The following HAPLN1 variants were observed in gnomAD, a reference collection of about 807,000 sequenced individuals.
The protein encoded by HAPLN1 is Cartilage link protein.
A neutral mutation model predicts 36.5 loss-of-function variants in HAPLN1; 13 were observed. The observed-to-expected ratio is 0.36, with a 90% CI of 0.23 to 0.57. The LOEUF (loss-of-function observed/expected upper bound fraction) is 0.57. HAPLN1 is among the 20% of genes least tolerant of loss of function. The pLI, the probability that HAPLN1 is intolerant of heterozygous loss-of-function variation, is 0.83. For missense variants in HAPLN1, 407 were observed against 439.7 expected, an observed-to-expected ratio of 0.93 and a Z score of 0.66; for synonymous variants, 202 against 169.8, an observed-to-expected ratio of 1.19 and a Z score of -1.48.
intron 2 of HAPLN1, among the ~76,000 whole-genome samples, chr5:83,670,660 T>A (rs762598256): frequency 9.2e-5 from 14 of 151,770 alleles, no homozygotes; most frequent in Admixed American, 2.0e-4. Context: ...CTATTTTCTT[T>A]CCTGGCCATC....
intron 1 of HAPLN1, among the ~76,000 whole-genome samples, chr5:83,686,616 G>A (rs1751133244): frequency 6.6e-6 from 1 of 152,146 alleles, no homozygotes; most frequent in Non-Finnish European, 1.5e-5. Flanking sequence ...TTCTGCTAAT[G>A]CTGACTAAAA....
intron 1 of HAPLN1, among the ~76,000 whole-genome samples, chr5:83,699,037 C>T (rs1198353936): frequency 1.3e-5 from 2 of 151,896 alleles, no homozygotes; most frequent in Non-Finnish European, 1.5e-5. Flanking sequence ...TTTTAATTCC[C>T]ATTTAGTATA....
chr5:83,645,475 C>CTTTTTTTTTTTTTTTCTTTTTTTTTTTTT (rs1749838589), intron 3 of HAPLN1, among the ~76,000 whole-genome samples: 1 of 74,370 alleles, frequency 1.3e-5, no homozygotes, highest in Non-Finnish European at 2.5e-5. Context: ...CTTTTTCTTT[C>CTTTTTTTTTTTTTTTCTTTTTTTTTTTTT]TTTTTTTTTT....
chr5:83,702,617 G>C (rs1751537271), intron 1 of HAPLN1, among the ~76,000 whole-genome samples: 1 of 151,994 alleles, frequency 6.6e-6, no homozygotes, highest in Non-Finnish European at 1.5e-5. Context: ...ACTGATTTTT[G>C]GCATTTCTTA....
At chr5:83,676,188 A>G in intron 1 of HAPLN1, among the ~76,000 whole-genome samples, 1 of 98,664 alleles carries the variant, frequency 1.0e-5, no homozygotes, top group East Asian at 2.5e-4. Context: ...AGAGATACGC[A>G]CACATATACA....
At chr5:83,673,707 A>T (rs952605733) in intron 1 of HAPLN1, 158 bp from the exon 2 acceptor site, 23 of 553,022 alleles carry the variant, frequency 4.2e-5, no homozygotes, top group African/African-American at 3.6e-4. Context: ...TTAAGAGCCG[A>T]AGACGGCAGC....
At chr5:83,643,638 G>T (rs1749769739) in intron 4 of HAPLN1, among the ~76,000 whole-genome samples, 1 of 151,616 alleles carries the variant, frequency 6.6e-6, no homozygotes, top group Non-Finnish European at 1.5e-5. Flanking sequence ...TTCTTTTAGA[G>T]ATGGGGTCTC....
intron 1 of HAPLN1, among the ~76,000 whole-genome samples, chr5:83,708,699 A>T (rs760135398): frequency 6.6e-6 from 1 of 152,200 alleles, no homozygotes; most frequent in Non-Finnish European, 1.5e-5. Context: ...ACATGTATCC[A>T]CTAAACTAAA....
At chr5:83,708,372 T>G (rs992468690) in intron 1 of HAPLN1, among the ~76,000 whole-genome samples, 1 of 152,202 alleles carries the variant, frequency 6.6e-6, no homozygotes, top group African/African-American at 2.4e-5. Flanking sequence ...CATGGAATAC[T>G]ATGCAGCCAT....
Position 83,705,815 on chromosome 5 carries a change from G to A in HAPLN1, c.-27+14974C>T, listed in dbSNP as rs189424685. On this transcript the variant is annotated intron_variant, in intron 1 of 4. Transcript: ENST00000274341. ...GTTTTTTGAAAAAATTAATAAGATC[G>A]AAAGACTGCTAACTAGGGTAATAAA... 7.4e-4 allele frequency among the ~76,000 whole-genome samples: 113 copies of A among 151,938 alleles called. 1 individual carries two copies. Among genetic ancestry groups the A allele is most frequent in the Non-Finnish European group, 1.2e-3 (80 of 67,946 alleles).
intron 1 of HAPLN1, among the ~76,000 whole-genome samples, chr5:83,690,422 C>G (rs1281870058): frequency 6.6e-6 from 1 of 151,968 alleles, no homozygotes; most frequent in Non-Finnish European, 1.5e-5. Context: ...TTTGAAGTGG[C>G]ACAGAATTAG....
At position 83,673,625 on chromosome 5, in the gene HAPLN1, C is replaced by T. The variant is rs924143990; in HGVS notation, c.-26-76G>A. On this transcript the variant is annotated intron_variant, in intron 1 of 4. Coordinates refer to ENST00000274341, the MANE Select transcript of HAPLN1 (RefSeq NM_001884.4). ...AGTGTTGCACTGCACAACTTATTAC[C>T]GCCTTATCATCATAGAATGGGTCTG... The T allele has an allele frequency of 2.5e-5, 20 of 790,520 alleles. 1 individual carries two copies. The highest frequency in any genetic ancestry group is 2.0e-4 in the Admixed American group (9 of 45,264). 49.0% of individuals were successfully genotyped at this position (790,520 alleles called of 1,614,324 possible).
In HAPLN1 at chr5:83,644,684, A is replaced by G; in HGVS notation, c.473-19T>C. ...ACCACACCTGTCCAAAGGAGAAAGC[A>G]AGGAGTTGTTAGAAGCCCCAAAACT... On this transcript the variant is annotated intron_variant, in intron 3 of 4. Coordinates refer to ENST00000274341, the MANE Select transcript of HAPLN1 (RefSeq NM_001884.4). The G allele has an allele frequency of 7.2e-7, 1 of 1,397,496 alleles. No individual in the cohort carries two copies. Among genetic ancestry groups the G allele is most frequent in the Non-Finnish European group, 9.4e-7 (1 of 1,068,468 alleles). 86.6% of individuals were successfully genotyped at this position (1,397,496 alleles called of 1,614,324 possible).
chr5:83,677,095 T>C (rs1340734007), intron 1 of HAPLN1, among the ~76,000 whole-genome samples: 2 of 152,186 alleles, frequency 1.3e-5, no homozygotes, highest in Non-Finnish European at 2.9e-5. Flanking sequence ...TCATATTAGG[T>C]AATGGGGAGA....
chr5:83,700,013 G>C (rs1751470447), intron 1 of HAPLN1, among the ~76,000 whole-genome samples: 3 of 152,142 alleles, frequency 2.0e-5, no homozygotes, highest in South Asian at 2.1e-4. Flanking sequence ...GGCCAACATG[G>C]TGAAAACCCG....
chr5:83,666,757 C>T (rs564285144), intron 2 of HAPLN1, among the ~76,000 whole-genome samples: 142 of 152,104 alleles, frequency 9.3e-4, no homozygotes, highest in African/African-American at 3.1e-3. Flanking sequence ...TTATTTAACA[C>T]TTATTTTATT....
At chr5:83,644,277 GAAGAT>G (rs1380519018) in intron 4 of HAPLN1, 81 bp downstream of exon 4, 7 of 1,049,290 alleles carry the variant, frequency 6.7e-6, no homozygotes, top group Admixed American at 3.1e-5. Context: ...GTTTTTCTAA[GAAGAT>G]AAGATTAAAA....
intron 3 of HAPLN1, among the ~76,000 whole-genome samples, chr5:83,646,919 A>G (rs978564291): frequency 1.3e-5 from 2 of 152,218 alleles, no homozygotes; most frequent in African/African-American, 4.8e-5. Context: ...AGTGACAGAA[A>G]ATCTCAAAGT....
intron 2 of HAPLN1, among the ~76,000 whole-genome samples, chr5:83,667,300 T>C (rs1322314588): frequency 6.6e-6 from 1 of 152,194 alleles, no homozygotes; most frequent in African/African-American, 2.4e-5. Context: ...CTATGTTTAA[T>C]GCTGTGTGTT....
Sources: gnomAD v4.1 joint callset for allele counts (sites outside exome capture counted in the v4.1 genomes callset) on GRCh38, gnomAD v4.1.1 for gene constraint, MANE v1.5 for transcripts, NCBI Gene and HGNC (gene_info 2026-07-23, HGNC 2026-07-21) for gene names.